Variants in PSMD1 observed in about 807,000 individuals in gnomAD.
PSMD1 encodes proteasome 26S subunit, non-ATPase 1, also known as 26S proteasome non-ATPase regulatory subunit 1.
Under a neutral mutation model 119.0 loss-of-function variants are expected in PSMD1, and 18 were observed. The observed-to-expected ratio is 0.15, with a 90% confidence interval of 0.10 to 0.22. The LOEUF is 0.22. Ranked by LOEUF, PSMD1 falls within the 10% of genes least tolerant of loss-of-function variation. The pLI, the probability that PSMD1 is intolerant of heterozygous loss-of-function variation, is 1.00. For synonymous variants in PSMD1, 374 were observed against 396.6 expected (o/e 0.94, Z 0.68); for missense variants, 702 against 1,158.5 (o/e 0.61, Z 5.72).
intron 17 of PSMD1, chr2:231,139,051 A>G (rs539156562): frequency 5.9e-4 from 384 of 655,702 alleles, no homozygotes; most frequent in Non-Finnish European, 9.4e-4. Flanking sequence ...GTCACATTAC[A>G]TGGATAGCTG....
intron 23 of PSMD1, among the ~76,000 whole-genome samples, chr2:231,167,911 T>G (rs561868901): frequency 1.3e-5 from 2 of 152,180 alleles, no homozygotes; most frequent in Non-Finnish European, 2.9e-5. Context: ...CATTACTCAT[T>G]AGGAAATGCA....
At chr2:231,064,426 G>A (rs1693845642) in intron 4 of PSMD1, among the ~76,000 whole-genome samples, 1 of 152,142 alleles carries the variant, frequency 6.6e-6, no homozygotes, top group South Asian at 2.1e-4. Context: ...TGCAAACCTG[G>A]TGAATGAGAA....
At chr2:231,069,514 G>A (rs959274154) in intron 5 of PSMD1, among the ~76,000 whole-genome samples, 4 of 152,142 alleles carry the variant, frequency 2.6e-5, no homozygotes, top group Non-Finnish European at 5.9e-5. Flanking sequence ...TAAACACATA[G>A]AGCCTGGATC....
intron 16 of PSMD1, among the ~76,000 whole-genome samples, chr2:231,121,357 ATC>A (rs950761257): frequency 6.6e-6 from 1 of 152,182 alleles, no homozygotes; most frequent in African/African-American, 2.4e-5. Context: ...GCCAGACTCC[ATC>A]TCTATTAAAA....
At chr2:231,138,092 G>C (rs561579544) in intron 16 of PSMD1, among the ~76,000 whole-genome samples, 4 of 152,304 alleles carry the variant, frequency 2.6e-5, no homozygotes, top group Admixed American at 2.0e-4. Context: ...GATAGCCACT[G>C]TGCCAGCCAG....
intron 1 of PSMD1, among the ~76,000 whole-genome samples, chr2:231,059,339 T>TA (rs1186374397): frequency 6.6e-6 from 1 of 152,232 alleles, no homozygotes; most frequent in African/African-American, 2.4e-5. Context: ...TCCCAGGTGC[T>TA]AAACAGGCTA....
rs115328679 is a variant in PSMD1, at chr2:231,109,129, C to T, written c.1883+21948C>T. 251 of 1,614,040 alleles carry T rather than the reference C, an allele frequency of 1.6e-4. 1 individual carries two copies. The African/African-American group carries it at 2.3e-3, about 15-fold the overall frequency. On this transcript the variant is annotated intron_variant, in intron 16 of 24. Transcript: ENST00000308696. ...AACCATCCAGCATTGCCACCTTTTC[C>T]GGTGACGAGCAAGGTGTTTCATCCC...
intron 16 of PSMD1, among the ~76,000 whole-genome samples, chr2:231,087,688 C>T (rs934157580): frequency 5.3e-5 from 8 of 152,000 alleles, no homozygotes; most frequent in African/African-American, 1.4e-4. Flanking sequence ...CTTGGCTGGG[C>T]GCGGTAGCTC....
chr2:231,143,187 GGGTTTGGTTT>G (rs3035542), intron 17 of PSMD1, among the ~76,000 whole-genome samples: 23,469 of 145,116 alleles, frequency 0.16, 2,039 homozygotes, highest in Admixed American at 0.18. Context: ...GGAACGTTGT[GGGTTTGGTTT>G]GGTTTGGTTT....
At chr2:231,103,846 C>T (rs1170117160) in intron 16 of PSMD1, among the ~76,000 whole-genome samples, 1 of 152,104 alleles carries the variant, frequency 6.6e-6, no homozygotes, top group African/African-American at 2.4e-5. Context: ...TATTTCCTTC[C>T]TGTTATCTTA....
At chr2:231,135,004 G>A (rs1026154218) in intron 16 of PSMD1, among the ~76,000 whole-genome samples, 4 of 152,178 alleles carry the variant, frequency 2.6e-5, no homozygotes, top group Non-Finnish European at 4.4e-5. Flanking sequence ...ACCTGGCACT[G>A]TGCTAACAAA....
chr2:231,096,573 C>T (rs1285635703), intron 16 of PSMD1, among the ~76,000 whole-genome samples: 3 of 152,216 alleles, frequency 2.0e-5, no homozygotes, highest in Admixed American at 6.5e-5. Context: ...TGGGAAACAA[C>T]TGTTACATAT....
At position 231,123,426 on chromosome 2, in the gene PSMD1, C is replaced by A. The variant is rs369745180; in HGVS notation, c.1884-15310C>A. 1.8e-5 allele frequency: 29 copies of A among 1,613,148 alleles called. No homozygotes were observed. Among genetic ancestry groups the A allele is most frequent in the Middle Eastern group, 1.6e-4 (1 of 6,082 alleles). On this transcript the variant is annotated intron_variant, in intron 16 of 24. Transcript: ENST00000308696. ...TGAAATACTTACCAAACATTATTGT[C>A]AAGAGGGCAATTGGCATCACAAACA...
At chr2:231,137,365 T>C (rs1192905052) in intron 16 of PSMD1, among the ~76,000 whole-genome samples, 2 of 151,996 alleles carry the variant, frequency 1.3e-5, no homozygotes, top group African/African-American at 4.8e-5. Context: ...TCTGTCCACC[T>C]CAGCCTCCCA....
chr2:231,142,274 A>G (rs796751228), intron 17 of PSMD1, among the ~76,000 whole-genome samples: 1 of 152,268 alleles, frequency 6.6e-6, no homozygotes, highest in East Asian at 1.9e-4. Flanking sequence ...TTTACTAGAG[A>G]TGTCATTGGG....
chr2:231,140,305 C>A (rs1440883217), intron 17 of PSMD1, among the ~76,000 whole-genome samples: 1 of 150,552 alleles, frequency 6.6e-6, no homozygotes, highest in East Asian at 2.0e-4. Flanking sequence ...ATCAGCCTGA[C>A]CATCATGGTG....
At chr2:231,083,473 A>G in intron 13 of PSMD1, 94 bp from the exon 14 acceptor site, 2 of 1,306,462 alleles carry the variant, frequency 1.5e-6, no homozygotes, top group Non-Finnish European at 2.2e-6. Context: ...GATTTTTTTG[A>G]TAGTTTATGC....
intron 16 of PSMD1, among the ~76,000 whole-genome samples, chr2:231,102,735 CAGA>C (rs1694898244): frequency 6.7e-6 from 1 of 149,808 alleles, no homozygotes; most frequent in South Asian, 2.1e-4. Flanking sequence ...GAAGGGGAGG[CAGA>C]AGAAGTAGGT....
chr2:231,093,282 G>A (rs113351815), intron 16 of PSMD1, among the ~76,000 whole-genome samples: 81 of 152,348 alleles, frequency 5.3e-4, no homozygotes, highest in African/African-American at 1.8e-3. Context: ...GAGAGTTGCA[G>A]TGTACAACAG....
Sources: allele counts gnomAD v4.1 joint callset (sites outside exome capture counted in the v4.1 genomes callset), GRCh38; gene constraint gnomAD v4.1.1; transcripts MANE v1.5; gene names NCBI Gene and HGNC (gene_info 2026-07-23, HGNC 2026-07-21).